The following EPB41L4A variants were observed in gnomAD, a reference collection of about 807,000 sequenced individuals.
EPB41L4A encodes the protein band 4.1-like protein 4A.
A neutral mutation model predicts 108.6 loss-of-function variants in EPB41L4A; 100 were observed. That is an observed-to-expected ratio of 0.92 (90% CI 0.78 to 1.09). The LOEUF is 1.09. EPB41L4A is among the 50% of genes least tolerant of loss of function. EPB41L4A has a pLI of 0.00. For synonymous variants in EPB41L4A, 319 were observed against 289.0 expected (o/e 1.10, Z -1.05); for missense variants, 1,030 against 842.7 (o/e 1.22, Z -2.75).
chr5:112,311,891 T>C (rs1289071198), intron 1 of EPB41L4A, among the ~76,000 whole-genome samples: 2 of 152,208 alleles, frequency 1.3e-5, no homozygotes, highest in Non-Finnish European at 2.9e-5. Context: ...GAGAAACAGA[T>C]GGAATAACTA....
intron 2 of EPB41L4A, among the ~76,000 whole-genome samples, chr5:112,297,485 T>C (rs1754072294): frequency 6.6e-6 from 1 of 152,140 alleles, no homozygotes; most frequent in Non-Finnish European, 1.5e-5. Flanking sequence ...TTTGATGGGA[T>C]TGCTTCTTTC....
Position 112,163,594 on chromosome 5 carries a change from G to C in EPB41L4A, c.*1396C>G, listed in dbSNP as rs1760049205. On this transcript the variant is annotated 3_prime_UTR_variant, in exon 23 of 23. Transcript: ENST00000261486. ...TCCTAAAAATTCTCCCTGGGATTAAGTAACACAGTGATTGATATTAGTGGA... is the reference window on the plus strand; with the variant it reads ...TCCTAAAAATTCTCCCTGGGATTAACTAACACAGTGATTGATATTAGTGGA... 6.6e-6 allele frequency: 1 copy of C among 152,186 alleles called. No homozygotes were observed. The highest frequency in any genetic ancestry group is 2.1e-4 in the South Asian group (1 of 4,828). 9.4% of individuals were successfully genotyped at this position (152,186 alleles called of 1,614,324 possible). A position where few individuals can be genotyped will look rare whatever the true frequency, so the allele number is the denominator to read the frequency against.
In EPB41L4A at chr5:112,339,531, T is replaced by G. The variant is rs76521776; in HGVS notation, c.100-32041A>C. ...ATATAGATATATAGATATATATCTA[T>G]ATATATATATATTTTTTTTTTAGAC... On this transcript the variant is annotated intron_variant, in intron 1 of 22. Transcript: ENST00000261486. Among the ~76,000 whole-genome samples the G allele has an allele frequency of 2.7e-3, 304 of 112,564 alleles. 2 individuals are homozygous for G. Among genetic ancestry groups the G allele is most frequent in the African/African-American group, 0.01 (257 of 25,228 alleles). 73.8% of individuals were successfully genotyped at this position (112,564 alleles called of 152,430 possible). A position where few individuals can be genotyped will look rare whatever the true frequency, so the allele number is the denominator to read the frequency against.
chr5:112,285,154 A>G (rs556961328), intron 2 of EPB41L4A, among the ~76,000 whole-genome samples: 94 of 152,338 alleles, frequency 6.2e-4, no homozygotes, highest in African/African-American at 2.2e-3. Context: ...CCAGAGTCCA[A>G]TGCTGACTCT....
At chr5:112,403,337 C>CAAAAAAAA (rs113132902) in intron 1 of EPB41L4A, among the ~76,000 whole-genome samples, 1 of 78,654 alleles carries the variant, frequency 1.3e-5, no homozygotes, top group Non-Finnish European at 3.2e-5. Context: ...TAATCCTCAG[C>CAAAAAAAA]AAAAAAAAAA....
chr5:112,271,344 T>C (rs749740168), intron 4 of EPB41L4A, among the ~76,000 whole-genome samples: 2 of 152,210 alleles, frequency 1.3e-5, no homozygotes, highest in Non-Finnish European at 1.5e-5. Context: ...ACAATAACCA[T>C]TATTTCCATG....
chr5:112,304,127 A>G (rs766623679), intron 2 of EPB41L4A, among the ~76,000 whole-genome samples: 3 of 152,114 alleles, frequency 2.0e-5, no homozygotes, highest in Non-Finnish European at 2.9e-5. Flanking sequence ...AACAGAGTTC[A>G]CTGGCAGAAG....
intron 13 of EPB41L4A, among the ~76,000 whole-genome samples, chr5:112,209,485 C>T (rs568165805): frequency 6.6e-5 from 10 of 152,232 alleles, no homozygotes; most frequent in Non-Finnish European, 1.3e-4. Context: ...GCCATAAACC[C>T]TCTTTCCAGG....
downstream of EPB41L4A, chr5:112,161,742 G>C (rs1224571936): frequency 2.3e-6 from 1 of 437,028 alleles, no homozygotes; most frequent in African/African-American, 2.0e-5. Flanking sequence ...GCTGCTAGCT[G>C]AATACCATCT....
intron 2 of EPB41L4A, among the ~76,000 whole-genome samples, chr5:112,293,774 G>A (rs892975501): frequency 6.6e-6 from 1 of 152,186 alleles, no homozygotes; most frequent in Admixed American, 6.5e-5. Context: ...ACTTCCCGGG[G>A]TTATTTCAGG....
intron 4 of EPB41L4A, among the ~76,000 whole-genome samples, chr5:112,266,952 C>T (rs1034445141): frequency 6.6e-6 from 1 of 152,126 alleles, no homozygotes. Context: ...ATTATATTCT[C>T]CATTGTGCAG....
chr5:112,296,988 CAT>C (rs746908057), intron 2 of EPB41L4A, among the ~76,000 whole-genome samples: 62 of 120,088 alleles, frequency 5.2e-4, no homozygotes, highest in African/African-American at 1.9e-3. Flanking sequence ...TATATACATA[CAT>C]ACACACACAC....
chr5:112,410,098 C>A (rs374955952), intron 1 of EPB41L4A, among the ~76,000 whole-genome samples: 2 of 152,290 alleles, frequency 1.3e-5, no homozygotes, highest in East Asian at 3.9e-4. Context: ...GCAGAACTCT[C>A]CTTCATGAGA....
intron 12 of EPB41L4A, among the ~76,000 whole-genome samples, chr5:112,146,468 TCC>T (rs1759262833): frequency 6.6e-6 from 1 of 152,168 alleles, no homozygotes; most frequent in Non-Finnish European, 1.5e-5. Context: ...CTGTTTGCGC[TCC>T]CCAAAGACTC....
intron 8 of EPB41L4A, among the ~76,000 whole-genome samples, chr5:112,259,664 C>T (rs1005471976): frequency 5.3e-5 from 8 of 152,170 alleles, no homozygotes; most frequent in Admixed American, 3.9e-4. Flanking sequence ...AGAAATCCTA[C>T]TACACACAGC....
chr5:112,347,817 C>T (rs66521031), intron 1 of EPB41L4A, among the ~76,000 whole-genome samples: 19,729 of 152,164 alleles, frequency 0.13, 1,424 homozygotes, highest in Non-Finnish European at 0.15. Context: ...AAAGACAAAG[C>T]TTCAGCATTA....
intron 12 of EPB41L4A, among the ~76,000 whole-genome samples, chr5:112,156,747 A>G (rs1202318326): frequency 6.6e-6 from 1 of 152,212 alleles, no homozygotes; most frequent in Non-Finnish European, 1.5e-5. Flanking sequence ...CACAGATCCA[A>G]TGCAATTCCA....
At chr5:112,234,401 G>C (rs1356405720) in intron 12 of EPB41L4A, among the ~76,000 whole-genome samples, 1 of 151,364 alleles carries the variant, frequency 6.6e-6, no homozygotes, top group Non-Finnish European at 1.5e-5. Context: ...AAAAAAGAAA[G>C]TACAGTCATT....
At position 112,222,264 on chromosome 5, in the gene EPB41L4A, T is replaced by C. The variant is rs1352587274; in HGVS notation, c.1088-12282A>G. ...CAGAAGTTGTATATTTTCAAATCAT[T>C]CTAGACCTTTCACCTTTCTTAACTT... On this transcript the variant is annotated intron_variant, in intron 12 of 22. Coordinates refer to ENST00000261486, the MANE Select transcript of EPB41L4A (RefSeq NM_022140.5). 2.6e-5 allele frequency among the ~76,000 whole-genome samples: 4 copies of C among 152,220 alleles called. No homozygotes were observed. In the South Asian group the frequency reaches 8.3e-4, roughly 31 times the overall value.
Sources: gnomAD v4.1 joint callset for allele counts (sites outside exome capture counted in the v4.1 genomes callset) on GRCh38, gnomAD v4.1.1 for gene constraint, MANE v1.5 for transcripts, NCBI Gene and HGNC (gene_info 2026-07-23, HGNC 2026-07-21) for gene names.